The following PDGFRA variants were observed in gnomAD, a reference collection of about 807,000 sequenced individuals.
The protein encoded by PDGFRA is platelet-derived growth factor receptor alpha.
Under a neutral mutation model 121.5 loss-of-function variants are expected in PDGFRA, and 25 were observed. The observed-to-expected ratio is 0.21, with a 90% CI of 0.15 to 0.29. The LOEUF (loss-of-function observed/expected upper bound fraction) is 0.29, where lower values mean the gene tolerates loss of function less well. Among genes scored for constraint, PDGFRA ranks in the 10% least tolerant of loss-of-function variants. PDGFRA has a pLI of 1.00. For synonymous variants in PDGFRA, 463 were observed against 494.8 expected, an observed-to-expected ratio of 0.94 and a Z score of 0.85; for missense variants, 1,008 against 1,345.1, an observed-to-expected ratio of 0.75 and a Z score of 3.92.
At chr4:54,277,292 T>G in intron 12 of PDGFRA, 96 bp from the exon 13 acceptor site, 1 of 841,018 alleles carries the variant, frequency 1.2e-6, no homozygotes, top group Non-Finnish European at 2.1e-6. Context: ...GGAAAGACAC[T>G]CGCCCAGCTG....
chr4:54,297,498 C>A lies in PDGFRA; in HGVS notation c.*2226C>A, dbSNP rs556595868. On this transcript the variant is annotated 3_prime_UTR_variant, in exon 23 of 23. Transcript: ENST00000257290. The stretch of plus-strand genomic sequence containing the variant: ...ATCACAGCTCAAGCATTCTGTTTAT[C>A]GCTCACTCTCCCTTGTACAGCCTTA... 1.6e-4 allele frequency: 37 copies of A among 233,678 alleles called. No homozygotes were observed. The highest frequency in any genetic ancestry group is 7.5e-4 in the African/African-American group (34 of 45,452). 14.5% of individuals were successfully genotyped at this position (233,678 alleles called of 1,614,324 possible).
chr4:54,278,257 TTTTGGTATCTTA>T, intron 14 of PDGFRA, 93 bp from the exon 15 acceptor site: 1 of 817,210 alleles, frequency 1.2e-6, no homozygotes. Context: ...AAAAAAACTT[TTTTGGTATCTTA>T]TTTTTTTCTG....
At chr4:54,287,337 A>G (rs1482823814) in intron 18 of PDGFRA, 93 bp from the exon 19 acceptor site, 1 of 771,914 alleles carries the variant, frequency 1.3e-6, no homozygotes, top group Non-Finnish European at 2.4e-6. Flanking sequence ...AGCACAAGTT[A>G]TTAAGAGCCC....
At chr4:54,261,917 ATATATATATATATATTTT>A (rs940134810) in intron 3 of PDGFRA, among the ~76,000 whole-genome samples, 1 of 62,984 alleles carries the variant, frequency 1.6e-5, no homozygotes, top group African/African-American at 5.5e-5. Flanking sequence ...ATATATATAT[ATATATATATATATATTTT>A]TTTTTTTTTT....
chr4:54,245,890 CA>C (rs1333152435), intron 1 of PDGFRA, among the ~76,000 whole-genome samples: 3 of 151,168 alleles, frequency 2.0e-5, no homozygotes, highest in Admixed American at 6.6e-5. Context: ...AAATGGAAAA[CA>C]AAAAAAGGCA....
intron 1 of PDGFRA, among the ~76,000 whole-genome samples, chr4:54,246,875 G>A (rs1721705475): frequency 6.8e-6 from 1 of 148,146 alleles, no homozygotes; most frequent in Admixed American, 6.8e-5. Context: ...AAAAAAAAAT[G>A]ATAAAGGGGA....
At chr4:54,289,459 T>G (rs139242023) in intron 21 of PDGFRA, among the ~76,000 whole-genome samples, 6 of 152,270 alleles carry the variant, frequency 3.9e-5, no homozygotes, top group African/African-American at 1.4e-4. Flanking sequence ...GAAATTGGCT[T>G]TTACCAGCGG....
intron 16 of PDGFRA, chr4:54,281,634 G>T (rs1430327383): frequency 5.1e-6 from 7 of 1,359,522 alleles, no homozygotes; most frequent in Non-Finnish European, 6.8e-6. Flanking sequence ...TCATGCTCAG[G>T]CCCAAGCCCT....
In PDGFRA at chr4:54,298,100, A is replaced by G. The variant is rs1724966314; in HGVS notation, c.*2828A>G. 2 of 221,070 alleles carry G rather than the reference A, an allele frequency of 9.0e-6. No individual in the cohort carries two copies. The highest frequency in any genetic ancestry group is 4.5e-5 in the African/African-American group (2 of 44,660). The allele number at this position is 221,070 out of a possible 1,614,324, so 13.7% of individuals were successfully genotyped here. Reference sequence around the variant, plus strand: ...AAGATACTTACATGTTCCCAAAACAATGGTGTGGTGAATGTGTGAGAAAAA... The same window carrying G: ...AAGATACTTACATGTTCCCAAAACAGTGGTGTGGTGAATGTGTGAGAAAAA... On this transcript the variant is annotated 3_prime_UTR_variant, in exon 23 of 23. Transcript: ENST00000257290.
Position 54,288,815 on chromosome 4 carries a change from C to T in PDGFRA, c.2691C>T (p.Pro897=), listed in dbSNP as rs143711174. The change falls in exon 20 of 23, where the codon CCC becomes CCT. Residue 897 remains proline (P), a synonymous_variant. Transcript: ENST00000257290. ...EIFSLGGTPY[P]GMMVDSTFYN... is the part of the protein sequence containing the mutation. ...GGCTTTTAGGTGGCACCCCTTACCC[C>T]GGCATGATGGTGGATTCTACTTTCT... 79 of 1,611,752 alleles carry T rather than the reference C, an allele frequency of 4.9e-5. No homozygotes were observed. In the African/African-American group the frequency reaches 6.3e-4, roughly 13 times the overall value.
intron 1 of PDGFRA, among the ~76,000 whole-genome samples, chr4:54,244,249 G>T (rs185064333): frequency 0.021 from 3,124 of 152,292 alleles, 40 homozygotes; most frequent in Non-Finnish European, 0.033. Flanking sequence ...ATCTGAGAAC[G>T]GGCAGACTGC....
At chr4:54,277,350 T>G (rs373581563) in intron 12 of PDGFRA, 38 bp from the exon 13 acceptor site, 1 of 1,422,300 alleles carries the variant, frequency 7.0e-7, no homozygotes, top group South Asian at 1.2e-5. Flanking sequence ...AGGAGGCGTC[T>G]GGAGTTTTTG....
intron 1 of PDGFRA, among the ~76,000 whole-genome samples, chr4:54,250,860 T>C (rs1722019157): frequency 6.7e-6 from 1 of 150,284 alleles, no homozygotes. Flanking sequence ...GGGTCAGGAG[T>C]TCAAGACTAG....
chr4:54,278,804 A>T (rs1723906104), intron 15 of PDGFRA: 2 of 560,726 alleles, frequency 3.6e-6, no homozygotes, highest in Non-Finnish European at 3.4e-6. Context: ...ATCCACTTAG[A>T]CCTATAAAAT....
chr4:54,281,534 T>C, intron 16 of PDGFRA: 1 of 1,274,454 alleles, frequency 7.8e-7, no homozygotes, highest in Non-Finnish European at 1.0e-6. Context: ...AACCAGTACT[T>C]CCTCTCCCCT....
chr4:54,258,920 A>G lies in PDGFRA; in HGVS notation c.49+103A>G, dbSNP rs2303431. 6.3e-4 allele frequency: 575 copies of G among 912,214 alleles called. 4 individuals carry two copies. The East Asian group carries it at 0.014, about 22-fold the overall frequency. The allele number at this position is 912,214 out of a possible 1,614,324, so 56.5% of individuals were successfully genotyped here. ...CCAGTACTCTGCATACACAGTCCAA[A>G]AGAGTGAAAAGAAATAGAAAACTAT... On this transcript the variant is annotated intron_variant, in intron 2 of 22. Coordinates refer to ENST00000257290, the MANE Select transcript of PDGFRA (RefSeq NM_006206.6).
At chr4:54,235,883 T>C (rs1720981474) in intron 1 of PDGFRA, among the ~76,000 whole-genome samples, 1 of 152,276 alleles carries the variant, frequency 6.6e-6, no homozygotes, top group African/African-American at 2.4e-5. Context: ...GTAGTCGTGC[T>C]TCCTAGAAGA....
intron 9 of PDGFRA, 146 bp downstream of exon 9, chr4:54,272,666 G>T: frequency 1.2e-6 from 1 of 852,786 alleles, no homozygotes; most frequent in Non-Finnish European, 1.9e-6. Context: ...GTCATGAATA[G>T]CTGTGAGAAG....
At chr4:54,236,221 C>T (rs1207215755) in intron 1 of PDGFRA, among the ~76,000 whole-genome samples, 3 of 152,194 alleles carry the variant, frequency 2.0e-5, no homozygotes, top group East Asian at 1.9e-4. Flanking sequence ...GTTGTTCTCA[C>T]GGATTCTTAT....
Sources: gnomAD v4.1 joint callset for allele counts (sites outside exome capture counted in the v4.1 genomes callset) on GRCh38, gnomAD v4.1.1 for gene constraint, MANE v1.5 for transcripts, NCBI Gene and HGNC (gene_info 2026-07-23, HGNC 2026-07-21) for gene names.